Variants in CSGALNACT1 observed in about 807,000 individuals in gnomAD.
CSGALNACT1 encodes the protein beta4GalNAcT-1.
In CSGALNACT1, 52 loss-of-function variants were observed where a neutral mutation model predicts 51.0. The observed-to-expected ratio is 1.02, with a 90% CI of 0.82 to 1.29. The LOEUF (loss-of-function observed/expected upper bound fraction) is 1.29. Ranked by LOEUF, CSGALNACT1 falls within the 50% of genes most tolerant of loss-of-function variation. The pLI is 0.00. For missense variants in CSGALNACT1, 935 were observed against 679.2 expected (o/e 1.38, Z -4.19); for synonymous variants, 341 against 254.4 (o/e 1.34, Z -3.24).
intron 1 of CSGALNACT1, among the ~76,000 whole-genome samples, chr8:19,667,025 AAGGAAGGAAGG>A (rs1321744314): frequency 0.01 from 424 of 41,624 alleles, 51 homozygotes; most frequent in African/African-American, 0.046. Flanking sequence ...GAAAGGAAGG[AAGGAAGGAAGG>A]AAGGAAGAAA....
intron 4 of CSGALNACT1, 68 bp downstream of exon 3, chr8:19,505,133 C>T: frequency 3.8e-6 from 6 of 1,590,950 alleles, no homozygotes; most frequent in East Asian, 2.2e-5. Context: ...GGAGCTGGAA[C>T]CTGCCTGGGT....
chr8:19,752,930 G>A (rs1290483323), intron 1 of CSGALNACT1, among the ~76,000 whole-genome samples: 1 of 152,162 alleles, frequency 6.6e-6, no homozygotes, highest in Admixed American at 6.5e-5. Context: ...CCAAGTGCTG[G>A]TTCCTAAAAA....
intron 1 of CSGALNACT1, among the ~76,000 whole-genome samples, chr8:19,652,989 C>G (rs2057947778): frequency 6.6e-6 from 1 of 152,126 alleles, no homozygotes; most frequent in African/African-American, 2.4e-5. Context: ...GCCCTCCTCT[C>G]TTTATATATA....
chr8:19,532,728 C>T (rs2083007712), intron 3 of CSGALNACT1, among the ~76,000 whole-genome samples: 1 of 152,156 alleles, frequency 6.6e-6, no homozygotes, highest in East Asian at 1.9e-4. Context: ...TGAGCTCTTC[C>T]TCATCACAGA....
At chr8:19,455,856 CTTCAA>C (rs1356624354) in intron 5 of CSGALNACT1, among the ~76,000 whole-genome samples, 1 of 152,220 alleles carries the variant, frequency 6.6e-6, no homozygotes, top group Non-Finnish European at 1.5e-5. Context: ...GGCACCGCAT[CTTCAA>C]TTCATCTTCT....
intron 2 of CSGALNACT1, among the ~76,000 whole-genome samples, chr8:19,598,893 C>T (rs1387894938): frequency 6.6e-6 from 1 of 152,178 alleles, no homozygotes; most frequent in East Asian, 1.9e-4. Context: ...TTCACTCGCT[C>T]ATTCATTCTT....
chr8:19,572,927 A>G (rs1042267613), intron 3 of CSGALNACT1, among the ~76,000 whole-genome samples: 17 of 152,230 alleles, frequency 1.1e-4, no homozygotes, highest in African/African-American at 4.1e-4. Flanking sequence ...AGTCCCAAAA[A>G]TCCTAAATAT....
intron 5 of CSGALNACT1, among the ~76,000 whole-genome samples, chr8:19,452,658 A>G (rs1237067969): frequency 6.6e-6 from 1 of 152,156 alleles, no homozygotes; most frequent in Non-Finnish European, 1.5e-5. Flanking sequence ...CAAGTGAGCA[A>G]GTGAGCTGGA....
At chr8:19,643,888 G>A (rs1264136731) in intron 1 of CSGALNACT1, among the ~76,000 whole-genome samples, 1 of 152,180 alleles carries the variant, frequency 6.6e-6, no homozygotes, top group Non-Finnish European at 1.5e-5. Flanking sequence ...AATTTGGCAA[G>A]TATGAAGTAT....
chr8:19,463,039 A>G (rs1432782307), intron 4 of CSGALNACT1, among the ~76,000 whole-genome samples: 2 of 152,088 alleles, frequency 1.3e-5, no homozygotes, highest in Non-Finnish European at 2.9e-5. Context: ...TGTGTACTCA[A>G]TGTTTACCTC....
upstream of CSGALNACT1, among the ~76,000 whole-genome samples, chr8:19,606,039 C>T (rs2051320054): frequency 6.6e-6 from 1 of 152,186 alleles, no homozygotes; most frequent in African/African-American, 2.4e-5. Context: ...GCTTACTCAC[C>T]TGCATCTATT....
intron 4 of CSGALNACT1, among the ~76,000 whole-genome samples, chr8:19,492,720 G>A (rs2074620922): frequency 6.6e-6 from 1 of 152,168 alleles, no homozygotes; most frequent in African/African-American, 2.4e-5. Context: ...GCCTAGCAAT[G>A]GCATAATGCT....
intron 6 of CSGALNACT1, among the ~76,000 whole-genome samples, chr8:19,425,136 AGTTCGAGACT>A (rs780358012): frequency 6.6e-6 from 1 of 152,188 alleles, no homozygotes; most frequent in Non-Finnish European, 1.5e-5. Flanking sequence ...TGAGGTCAGG[AGTTCGAGACT>A]GAACTGACCA....
chr8:19,663,454 A>G (rs1188913257), intron 1 of CSGALNACT1, among the ~76,000 whole-genome samples: 1 of 152,224 alleles, frequency 6.6e-6, no homozygotes, highest in African/African-American at 2.4e-5. Flanking sequence ...AAAGCAGTCA[A>G]TGACTAACAT....
chr8:19,477,659 C>T (rs148609473), intron 4 of CSGALNACT1, among the ~76,000 whole-genome samples: 37 of 152,252 alleles, frequency 2.4e-4, no homozygotes, highest in South Asian at 1.7e-3. Flanking sequence ...GCTCTAGAGC[C>T]GGGTGTGAGC....
At chr8:19,515,912 C>G (rs1049051799) in intron 3 of CSGALNACT1, among the ~76,000 whole-genome samples, 1 of 152,072 alleles carries the variant, frequency 6.6e-6, no homozygotes, top group Non-Finnish European at 1.5e-5. Flanking sequence ...GGGCAGGACA[C>G]TGGCATAAGA....
intron 1 of CSGALNACT1, among the ~76,000 whole-genome samples, chr8:19,636,375 C>A (rs889730123): frequency 2.0e-5 from 3 of 152,150 alleles, no homozygotes; most frequent in Admixed American, 2.0e-4. Context: ...TCTGTGGCTT[C>A]AGGCATCCAA....
intron 1 of CSGALNACT1, among the ~76,000 whole-genome samples, chr8:19,639,670 G>A (rs1036060149): frequency 6.6e-6 from 1 of 152,094 alleles, no homozygotes. Context: ...ATTTGACAAA[G>A]CTTCCCTCTC....
intron 1 of CSGALNACT1, among the ~76,000 whole-genome samples, chr8:19,671,186 G>A (rs1589416317): frequency 6.6e-6 from 1 of 152,114 alleles, no homozygotes; most frequent in Non-Finnish European, 1.5e-5. Flanking sequence ...GAAAAGGCAA[G>A]GACAGGCTCA....
Sources: allele counts gnomAD v4.1 joint callset (sites outside exome capture counted in the v4.1 genomes callset), GRCh38; gene constraint gnomAD v4.1.1; transcripts MANE v1.5; gene names NCBI Gene and HGNC (gene_info 2026-07-23, HGNC 2026-07-21).